MACF1: variants seen among roughly 807,000 people sequenced by gnomAD.
MACF1 encodes microtubule actin crosslinking factor 1.
MACF1 carries 193 observed loss-of-function variants against 854.8 expected under a neutral mutation model. The observed-to-expected ratio is 0.23, with a 90% CI of 0.20 to 0.25. The LOEUF (loss-of-function observed/expected upper bound fraction) is 0.25, where lower values mean the gene tolerates loss of function less well. Among genes scored for constraint, MACF1 ranks in the 10% least tolerant of loss-of-function variants. The pLI is 1.00. For missense variants in MACF1, 7,722 were observed against 8,929.1 expected (o/e 0.86, Z 5.45); for synonymous variants, 3,185 against 3,226.7 (o/e 0.99, Z 0.44).
chr1:39,268,446 A>G, intron 6 of MACF1: 2 of 1,061,250 alleles, frequency 1.9e-6, no homozygotes, highest in South Asian at 5.7e-5. Flanking sequence ...AGGTCAAGTG[A>G]TTTCTGAACT....
intron 88 of MACF1, among the ~76,000 whole-genome samples, chr1:39,454,390 A>C (rs1644395794): frequency 6.6e-6 from 1 of 152,182 alleles, no homozygotes; most frequent in Non-Finnish European, 1.5e-5. Context: ...GATACCAAGG[A>C]ACAACTATAC....
rs565389591 is a variant in MACF1 at position 39,404,149 on chromosome 1, G to GTAAGTAAGTAAA, written c.15816+15494_15816+15495insGTAAGTAAATAA. ...CTCAAAAAAATAAATAAATAAGTAAGTAAATAAATAAATAAATAAATAAAT... is the reference window on the plus strand; with the variant it reads ...CTCAAAAAAATAAATAAATAAGTAAGTAAGTAAGTAAATAAATAAATAAATAAATAAATAAAT... On this transcript the variant is annotated intron_variant, in intron 58 of 100. Transcript: ENST00000564288. 4.5e-3 allele frequency among the ~76,000 whole-genome samples: 673 copies of GTAAGTAAGTAAA among 148,528 alleles called. 4 individuals carry two copies. Among genetic ancestry groups the GTAAGTAAGTAAA allele is most frequent in the African/African-American group, 0.016 (642 of 39,996 alleles).
chr1:39,121,061 A>G (rs1372391039), intron 2 of MACF1: 2 of 152,300 alleles, frequency 1.3e-5, no homozygotes, highest in Non-Finnish European at 2.9e-5. Context: ...CAAACTTCTT[A>G]AGAATAGAGG....
chr1:39,485,468 G>C, intron 100 of MACF1, 70 bp from the exon 101 acceptor site: 1 of 1,470,604 alleles, frequency 6.8e-7, no homozygotes, highest in Non-Finnish European at 9.1e-7. Context: ...CAGAACCCTA[G>C]CTTCTGCTCA....
intron 6 of MACF1, among the ~76,000 whole-genome samples, chr1:39,264,702 T>G (rs1310819156): frequency 3.4e-5 from 5 of 148,822 alleles, no homozygotes; most frequent in African/African-American, 1.2e-4. Flanking sequence ...AGTCTCGCTC[T>G]GTCGCCCAGG....
In MACF1 at chr1:39,485,926, A is replaced by AT. The variant is rs1645096082; in HGVS notation, c.*140dup. On this transcript the variant is annotated 3_prime_UTR_variant, in exon 101 of 101. Coordinates refer to ENST00000564288, the MANE Select transcript of MACF1 (RefSeq NM_001394062.1). ...AATAATTGTGTTATGAAGCTGCCTT[A>AT]TTTTTTTTCTTTTTGTAAGTTACTA... 3.7e-5 allele frequency: 40 copies of AT among 1,068,812 alleles called. No individual in the cohort carries two copies. Among genetic ancestry groups the AT allele is most frequent in the Non-Finnish European group, 4.0e-5 (33 of 823,858 alleles). The allele number at this position is 1,068,812 out of a possible 1,614,324, so 66.2% of individuals were successfully genotyped here. A position where few individuals can be genotyped will look rare whatever the true frequency, so the allele number is the denominator to read the frequency against.
intron 1 of MACF1, among the ~76,000 whole-genome samples, chr1:39,225,300 T>G (rs1014533032): frequency 2.8e-5 from 4 of 142,744 alleles, no homozygotes; most frequent in Non-Finnish European, 6.0e-5. Flanking sequence ...CACTGCAAGC[T>G]CCGCTTCCCG....
intron 2 of MACF1, among the ~76,000 whole-genome samples, chr1:39,176,145 G>A (rs866726282): frequency 7.1e-5 from 6 of 84,218 alleles, no homozygotes; most frequent in Admixed American, 1.4e-4. Context: ...GTGGTGGCAG[G>A]CGCCTGTAAT....
intron 55 of MACF1, 92 bp downstream of exon 55, chr1:39,380,465 T>C (rs1650080705): frequency 2.3e-6 from 3 of 1,304,474 alleles, no homozygotes; most frequent in African/African-American, 3.0e-5. Context: ...ACAGGAATTA[T>C]TTTTAGTTAA....
chr1:39,320,303 G>C (rs545913631), intron 31 of MACF1, among the ~76,000 whole-genome samples: 1 of 152,186 alleles, frequency 6.6e-6, no homozygotes, highest in East Asian at 1.9e-4. Context: ...GCCCCCACAG[G>C]CTATTTTCCC....
At chr1:39,259,721 C>G (rs771086085) in intron 6 of MACF1, among the ~76,000 whole-genome samples, 1 of 152,012 alleles carries the variant, frequency 6.6e-6, no homozygotes, top group African/African-American at 2.4e-5. Context: ...CTCCCGGGTT[C>G]AAGAGATTCT....
chr1:39,382,547 A>G (rs1202343339), intron 56 of MACF1, among the ~76,000 whole-genome samples: 1 of 151,974 alleles, frequency 6.6e-6, no homozygotes, highest in Non-Finnish European at 1.5e-5. Context: ...TACTAAAAAT[A>G]CAAAAAATTA....
At chr1:39,429,784 C>A in intron 64 of MACF1, 43 bp from the exon 65 acceptor site, 1 of 1,598,212 alleles carries the variant, frequency 6.3e-7, no homozygotes, top group Non-Finnish European at 8.6e-7. Flanking sequence ...CTCCTCATTC[C>A]TAGGTCTCTT....
intron 18 of MACF1, among the ~76,000 whole-genome samples, chr1:39,294,114 T>C (rs1285808985): frequency 6.6e-6 from 1 of 152,218 alleles, no homozygotes; most frequent in Non-Finnish European, 1.5e-5. Flanking sequence ...AAGCATTTAG[T>C]CTAGTATTGT....
At chr1:39,347,910 A>G (rs1053892060) in intron 41 of MACF1, among the ~76,000 whole-genome samples, 1 of 152,010 alleles carries the variant, frequency 6.6e-6, no homozygotes, top group African/African-American at 2.4e-5. Context: ...TCTTCTTGCA[A>G]AGCTCAACTC....
intron 58 of MACF1, among the ~76,000 whole-genome samples, chr1:39,419,570 A>T (rs768310175): frequency 2.0e-5 from 3 of 152,212 alleles, no homozygotes; most frequent in African/African-American, 7.2e-5. Context: ...AGCATTTTGG[A>T]TAAGGGATAT....
chr1:39,338,125 T>A (rs954773984), intron 38 of MACF1, among the ~76,000 whole-genome samples: 1 of 151,994 alleles, frequency 6.6e-6, no homozygotes, highest in Non-Finnish European at 1.5e-5. Context: ...AAAGGCAGAG[T>A]GATTGGTTAG....
Position 39,349,614 on chromosome 1 carries a change from A to G in MACF1, c.10952A>G (p.Gln3651Arg). The change falls in exon 42 of 101, where the codon CAA becomes CGA. Residue 3651 changes from glutamine to arginine, a missense_variant. Physicochemically the swap from Gln to Arg is conservative, Grantham distance 43. Around this residue, in one of 15 missense-constraint regions of MACF1, gnomAD observed 2,807 missense variants for 3,235.8 expected, o/e 0.87. Coordinates refer to ENST00000564288, the MANE Select transcript of MACF1 (RefSeq NM_001394062.1). ...GATCTCTCTGCTTTGCAGAAGAACC[A>G]AAGTGACTTGAAGGTCAGTGTGAAT... ...QQDLSALQKN[Q>R]SDLKDLQDDI... is the part of the protein sequence containing the mutation. The G allele has an allele frequency of 1.2e-6, 2 of 1,614,000 alleles. No homozygotes were observed. The highest frequency in any genetic ancestry group is 1.7e-6 in the Non-Finnish European group (2 of 1,179,946).
At position 39,285,017 on chromosome 1, in the gene MACF1, TA is replaced by T. The variant is rs1004098115; in HGVS notation, c.1132-64del. The T allele has an allele frequency of 1.3e-4, 206 of 1,589,220 alleles. 1 individual carries two copies. In the African/African-American group the frequency reaches 2.5e-3, roughly 19 times the overall value. ...AAAGAAGCAAGAAGTGATGTGCAAA[TA>T]ATAAATCAAAACTGGGACAAGAGGG... On this transcript the variant is annotated intron_variant, in intron 11 of 100. Transcript: ENST00000564288.
Sources: allele counts gnomAD v4.1 joint callset (sites outside exome capture counted in the v4.1 genomes callset), GRCh38; gene constraint gnomAD v4.1.1; regional missense constraint gnomAD v4.1.1; transcripts MANE v1.5; gene names NCBI Gene and HGNC (gene_info 2026-07-23, HGNC 2026-07-21).